The following LIMCH1 variants were observed in gnomAD, a reference collection of about 807,000 sequenced individuals.
LIMCH1 encodes the protein LIM and calponin homology domains-containing protein 1.
In LIMCH1, 113 loss-of-function variants were observed where a neutral mutation model predicts 176.5. The ratio of observed to expected loss-of-function variants is 0.64; its 90% CI spans 0.55 to 0.75. The LOEUF (loss-of-function observed/expected upper bound fraction) is 0.75, where lower values mean the gene tolerates loss of function less well. LIMCH1 is among the 30% of genes least tolerant of loss of function. The pLI is 0.00. For synonymous variants in LIMCH1, 619 were observed against 645.9 expected, an observed-to-expected ratio of 0.96 and a Z score of 0.63; for missense variants, 1,674 against 1,814.9, an observed-to-expected ratio of 0.92 and a Z score of 1.41.
At chr4:41,472,866 C>A (rs61617579) in intron 1 of LIMCH1, 1 of 248,392 alleles carries the variant, frequency 4.0e-6, no homozygotes, top group Non-Finnish European at 6.4e-6. Context: ...TTTTTTAAAA[C>A]GCAGGATTCC....
intron 7 of LIMCH1, among the ~76,000 whole-genome samples, chr4:41,623,413 A>G (rs1251239156): frequency 6.6e-6 from 1 of 152,140 alleles, no homozygotes; most frequent in Non-Finnish European, 1.5e-5. Context: ...TGAACAACAA[A>G]GCTTTATTTT....
At chr4:41,396,148 C>G (rs2057781676) in intron 1 of LIMCH1, among the ~76,000 whole-genome samples, 1 of 152,110 alleles carries the variant, frequency 6.6e-6, no homozygotes, top group Non-Finnish European at 1.5e-5. Context: ...ATCTCATAGC[C>G]AAGAGAAGGA....
intron 1 of LIMCH1, among the ~76,000 whole-genome samples, chr4:41,385,106 TAC>T (rs2056311666): frequency 6.6e-6 from 1 of 152,244 alleles, no homozygotes; most frequent in South Asian, 2.1e-4. Context: ...CATTCAGTTG[TAC>T]TCTGAACCAG....
At chr4:41,674,013 A>G (rs948630615) in intron 22 of LIMCH1, among the ~76,000 whole-genome samples, 3 of 152,186 alleles carry the variant, frequency 2.0e-5, no homozygotes, top group African/African-American at 7.2e-5. Context: ...CCTGGCCCAC[A>G]GTCAGTGGGC....
At chr4:41,687,586 T>G (rs1280268869) in intron 28 of LIMCH1, among the ~76,000 whole-genome samples, 4 of 152,154 alleles carry the variant, frequency 2.6e-5, no homozygotes, top group Admixed American at 2.6e-4. Flanking sequence ...AATTCTGTCT[T>G]TTCTGTTCAG....
At chr4:41,436,163 A>G (rs1012187073) in intron 1 of LIMCH1, among the ~76,000 whole-genome samples, 2 of 152,214 alleles carry the variant, frequency 1.3e-5, no homozygotes, top group African/African-American at 2.4e-5. Flanking sequence ...TTAGGAGGCC[A>G]GGAATTCTTG....
intron 2 of LIMCH1, among the ~76,000 whole-genome samples, chr4:41,501,802 G>A (rs2073314512): frequency 6.7e-6 from 1 of 148,696 alleles, no homozygotes; most frequent in South Asian, 2.1e-4. Context: ...TTTAGAATCA[G>A]GAAGGCGGGT....
At chr4:41,586,468 C>G (rs2086494140) in intron 1 of LIMCH1, among the ~76,000 whole-genome samples, 1 of 152,100 alleles carries the variant, frequency 6.6e-6, no homozygotes, top group South Asian at 2.1e-4. Flanking sequence ...AAACCCATAG[C>G]AATCCACAGA....
intron 1 of LIMCH1, among the ~76,000 whole-genome samples, chr4:41,567,660 C>A (rs548066772): frequency 1.4e-3 from 212 of 152,220 alleles, no homozygotes; most frequent in South Asian, 4.4e-3. Context: ...GGGGCTTAGA[C>A]AGATTATGTA....
intron 4 of LIMCH1, chr4:41,609,752 G>A (rs2091205876): frequency 2.4e-6 from 1 of 414,026 alleles, no homozygotes; most frequent in Non-Finnish European, 4.8e-6. Context: ...TTAGCACAAG[G>A]GACTGAGATT....
At position 41,364,787 on chromosome 4, in the gene LIMCH1, T is replaced by C. The variant is rs1238542667; in HGVS notation, c.96+3851T>C. On this transcript the variant is annotated intron_variant, in intron 1 of 26. Transcript: ENST00000313860. Reference sequence around the variant, plus strand: ...TACAAATAATGGGTCCAAATATTCATCTAAATGCAGCAGAATTTTATTCAC... The same window carrying C: ...TACAAATAATGGGTCCAAATATTCACCTAAATGCAGCAGAATTTTATTCAC... Among the ~76,000 whole-genome samples, 4 of 152,232 alleles carry C rather than the reference T, an allele frequency of 2.6e-5. No individual in the cohort carries two copies. In the East Asian group the frequency reaches 7.7e-4, roughly 29 times the overall value.
At chr4:41,451,601 T>A (rs547900243) in intron 1 of LIMCH1, among the ~76,000 whole-genome samples, 2 of 152,300 alleles carry the variant, frequency 1.3e-5, no homozygotes, top group Admixed American at 6.5e-5. Flanking sequence ...ATTTGAGGAT[T>A]GGCCTATTGT....
At chr4:41,483,643 C>T (rs560411911) in intron 1 of LIMCH1, among the ~76,000 whole-genome samples, 2 of 152,282 alleles carry the variant, frequency 1.3e-5, no homozygotes, top group South Asian at 4.2e-4. Context: ...CCTTCTCATC[C>T]CCACCTGCCG....
At chr4:41,378,709 A>T (rs1464770456) in intron 1 of LIMCH1, among the ~76,000 whole-genome samples, 6 of 152,196 alleles carry the variant, frequency 3.9e-5, no homozygotes, top group Admixed American at 6.5e-5. Context: ...AATGTGAGAG[A>T]TGTTAAAGGT....
chr4:41,613,130 A>G, intron 4 of LIMCH1: 1 of 1,520,364 alleles, frequency 6.6e-7, no homozygotes, highest in Middle Eastern at 1.7e-4. Flanking sequence ...TTTTGTTTTG[A>G]ACTATCATTG....
intron 1 of LIMCH1, among the ~76,000 whole-genome samples, chr4:41,568,462 C>T (rs1458648757): frequency 6.6e-6 from 1 of 152,188 alleles, no homozygotes; most frequent in Non-Finnish European, 1.5e-5. Context: ...CACATGCACA[C>T]AGAGTATATG....
At chr4:41,684,316 C>T in intron 26 of LIMCH1, 81 bp from the exon 27 acceptor site, 1 of 1,239,484 alleles carries the variant, frequency 8.1e-7, no homozygotes, top group Non-Finnish European at 1.1e-6. Flanking sequence ...TTGGTACTCC[C>T]ATCCTTTAAG....
At chr4:41,561,919 C>T (rs1242194154) in intron 1 of LIMCH1, among the ~76,000 whole-genome samples, 1 of 152,122 alleles carries the variant, frequency 6.6e-6, no homozygotes, top group Non-Finnish European at 1.5e-5. Context: ...TGAAATCTCC[C>T]CAAAGGCCTC....
intron 1 of LIMCH1, among the ~76,000 whole-genome samples, chr4:41,457,962 GA>G (rs2064819271): frequency 6.6e-6 from 1 of 152,158 alleles, no homozygotes; most frequent in Non-Finnish European, 1.5e-5. Context: ...GGAAGGGCAA[GA>G]AAGAGAAAGA....
Sources: gnomAD v4.1 joint callset for allele counts (sites outside exome capture counted in the v4.1 genomes callset) on GRCh38, gnomAD v4.1.1 for gene constraint, MANE v1.5 for transcripts, NCBI Gene and HGNC (gene_info 2026-07-23, HGNC 2026-07-21) for gene names.